The following ZMYM4 variants were observed in gnomAD, a reference collection of about 807,000 sequenced individuals.
ZMYM4 encodes the protein zinc finger MYM-type containing 4.
Under a neutral mutation model 183.2 loss-of-function variants are expected in ZMYM4, and 31 were observed. The ratio of observed to expected loss-of-function variants is 0.17; its 90% CI spans 0.13 to 0.23. ZMYM4 has a LOEUF of 0.23. Ranked by LOEUF, ZMYM4 falls within the 10% of genes least tolerant of loss-of-function variation. The pLI, the probability that ZMYM4 is intolerant of heterozygous loss-of-function variation, is 1.00. For synonymous variants in ZMYM4, 592 were observed against 631.2 expected, an observed-to-expected ratio of 0.94 and a Z score of 0.93; for missense variants, 1,273 against 1,840.3, an observed-to-expected ratio of 0.69 and a Z score of 5.64.
In ZMYM4 at chr1:35,415,594, A is replaced by G; in HGVS notation, c.4189A>G (p.Thr1397Ala). The G allele has an allele frequency of 6.2e-7, 1 of 1,614,232 alleles. No homozygotes were observed. The highest frequency in any genetic ancestry group is 8.5e-7 in the Non-Finnish European group (1 of 1,180,038). Residue 1397 changes from threonine to alanine, a missense_variant, in exon 28 of 30, where the codon ACT becomes GCT. Physicochemically the swap from Thr to Ala is moderately conservative, Grantham distance 58 (BLOSUM62 0). Around this residue, in one of 6 missense-constraint regions of ZMYM4, gnomAD observed 145 missense variants for 331.6 expected, o/e 0.44. Coordinates refer to ENST00000314607, the MANE Select transcript of ZMYM4 (RefSeq NM_005095.3). ...NTKYFQLKNV[T>A]EHLKLSFAHV... is the part of the protein sequence containing the mutation. ...CAAATACTTCCAACTAAAGAATGTT[A>G]CTGAGCACTTGAAGCTTTCCTTTGC...
intron 26 of ZMYM4, among the ~76,000 whole-genome samples, chr1:35,411,946 A>G (rs1184213911): frequency 2.6e-5 from 4 of 152,162 alleles, no homozygotes; most frequent in South Asian, 2.1e-4. Context: ...GCAGTGGCAC[A>G]ATCTCAGCTC....
chr1:35,388,329 C>T (rs538454815), intron 13 of ZMYM4, among the ~76,000 whole-genome samples: 2 of 152,254 alleles, frequency 1.3e-5, no homozygotes, highest in Non-Finnish European at 2.9e-5. Context: ...CTCAACCTCC[C>T]GAGTAGCTGG....
rs1373208243 is a variant in ZMYM4, at chr1:35,398,963, C to T, written c.3353C>T (p.Ala1118Val). 1.2e-6 allele frequency: 2 copies of T among 1,614,136 alleles called. No homozygotes were observed. The highest frequency in any genetic ancestry group is 1.1e-5 in the South Asian group (1 of 91,082). ...AATCACTATGCCTTAAAGTCAAATG[C>T]TGTGCAAGAGGCTGATTCAGAATTG... ...ELNHYALKSNAVQEADSELKQ... is the reference protein window; with the variant it reads ...ELNHYALKSNVVQEADSELKQ... The change falls in exon 22 of 30, where the codon GCT becomes GTT. Residue 1118 changes from alanine (A) to valine (V), a missense_variant. Around this residue, in one of 6 missense-constraint regions of ZMYM4, gnomAD observed 290 missense variants for 353.3 expected, o/e 0.82. Transcript: ENST00000314607.
chr1:35,311,667 C>T (rs1641807639), intron 1 of ZMYM4, among the ~76,000 whole-genome samples: 1 of 151,856 alleles, frequency 6.6e-6, no homozygotes, highest in South Asian at 2.1e-4. Context: ...TTTACTCTCC[C>T]TTTTATGTTG....
intron 2 of ZMYM4, among the ~76,000 whole-genome samples, chr1:35,348,729 A>G (rs747133990): frequency 7.9e-5 from 12 of 152,246 alleles, no homozygotes; most frequent in Non-Finnish European, 2.9e-5. Context: ...ACAGTTCAGC[A>G]TGCTTACCAA....
At chr1:35,306,677 T>C (rs1207124287) in intron 1 of ZMYM4, among the ~76,000 whole-genome samples, 1 of 152,234 alleles carries the variant, frequency 6.6e-6, no homozygotes, top group African/African-American at 2.4e-5. Context: ...AGGTTGGGCA[T>C]ATATGGTCCT....
In ZMYM4 at chr1:35,370,354, T is replaced by TC; in HGVS notation, c.926-18_926-17insC. 1 of 1,334,888 alleles carries TC rather than the reference T, an allele frequency of 7.5e-7. No homozygotes were observed. The highest frequency in any genetic ancestry group is 2.9e-5 in the East Asian group (1 of 33,974). 82.7% of individuals were successfully genotyped at this position (1,334,888 alleles called of 1,614,324 possible). ...TTTCTTTCAATTTTTTTTTTTTTTT[T>TC]TTTTTTTTTTTTTAAAGCTCCACAG... On this transcript the variant is annotated splice_polypyrimidine_tract_variant and intron_variant, in intron 6 of 29. Coordinates refer to ENST00000314607, the MANE Select transcript of ZMYM4 (RefSeq NM_005095.3).
intron 2 of ZMYM4, among the ~76,000 whole-genome samples, chr1:35,326,505 G>A (rs1416231654): frequency 2.6e-5 from 4 of 152,158 alleles, no homozygotes; most frequent in Admixed American, 6.5e-5. Flanking sequence ...CATCATTTAT[G>A]TACTTTTCTG....
At chr1:35,388,821 C>T in intron 13 of ZMYM4, 89 bp from the exon 14 acceptor site, 3 of 1,215,752 alleles carry the variant, frequency 2.5e-6, no homozygotes, top group Non-Finnish European at 3.5e-6. Context: ...CAGGTGTGAG[C>T]CACTGCACCG....
At chr1:35,397,025 T>G in intron 19 of ZMYM4, 1 of 958,952 alleles carries the variant, frequency 1.0e-6, no homozygotes. Flanking sequence ...AAAATGTATT[T>G]TTTAATTACA....
At position 35,399,424 on chromosome 1, in the gene ZMYM4, C is replaced by A. The variant is rs112492532; in HGVS notation, c.3434-58C>A. 4.0e-4 allele frequency: 596 copies of A among 1,473,502 alleles called. 3 individuals are homozygous for A. The African/African-American group carries it at 6.1e-3, about 15-fold the overall frequency. The allele number at this position is 1,473,502 out of a possible 1,614,324, so 91.3% of individuals were successfully genotyped here. On this transcript the variant is annotated intron_variant, in intron 22 of 29. Transcript: ENST00000314607. ...CTGATATTTCTTTACTAGTCTAAGTCTTTATTTAAATTTGTGAGTTATTTA... is the reference window on the plus strand; with the variant it reads ...CTGATATTTCTTTACTAGTCTAAGTATTTATTTAAATTTGTGAGTTATTTA...
At chr1:35,339,051 G>A (rs1386784819) in intron 2 of ZMYM4, among the ~76,000 whole-genome samples, 1 of 152,126 alleles carries the variant, frequency 6.6e-6, no homozygotes, top group Admixed American at 6.5e-5. Context: ...ATCAGGAAGA[G>A]CAATTACAGT....
At chr1:35,350,298 T>C (rs959417165) in intron 2 of ZMYM4, among the ~76,000 whole-genome samples, 1 of 151,888 alleles carries the variant, frequency 6.6e-6, no homozygotes, top group African/African-American at 2.4e-5. Context: ...GAAATTACTT[T>C]TTTTTTTTGA....
In ZMYM4 at chr1:35,352,259, A is replaced by ACG. The variant is rs376025575; in HGVS notation, c.86-6656_86-6655dup. On this transcript the variant is annotated intron_variant, in intron 2 of 29. Transcript: ENST00000314607. ...ACTAATAATTTAAAAATTAGCGCGC[A>ACG]CGCGCGCGCGCACACACACACACAC... Among the ~76,000 whole-genome samples the ACG allele has an allele frequency of 2.9e-3, 226 of 77,598 alleles. 6 individuals are homozygous for ACG. The East Asian group carries it at 0.089, about 31-fold the overall frequency. The allele number at this position is 77,598 out of a possible 152,430, so 50.9% of individuals were successfully genotyped here. A position where few individuals can be genotyped will look rare whatever the true frequency, so the allele number is the denominator to read the frequency against.
intron 7 of ZMYM4, among the ~76,000 whole-genome samples, chr1:35,374,321 ACCGTG>A (rs1281816543): frequency 6.6e-6 from 1 of 152,102 alleles, no homozygotes; most frequent in Non-Finnish European, 1.5e-5. Flanking sequence ...GGCATGAGCC[ACCGTG>A]CCCGGCACTC....
intron 1 of ZMYM4, among the ~76,000 whole-genome samples, chr1:35,318,493 T>TGTC (rs1323743476): frequency 6.6e-6 from 1 of 152,184 alleles, no homozygotes; most frequent in Non-Finnish European, 1.5e-5. Flanking sequence ...AGTCTCGCTC[T>TGTC]GTCACCCAGG....
intron 19 of ZMYM4, 145 bp downstream of exon 19, chr1:35,396,815 C>T: frequency 1.0e-6 from 1 of 982,830 alleles, no homozygotes; most frequent in Non-Finnish European, 1.4e-6. Flanking sequence ...TATTACTTAA[C>T]ATGGATTATA....
chr1:35,370,338 A>ATTTTTT lies in ZMYM4; in HGVS notation c.926-10_926-5dup, dbSNP rs35122134. On this transcript the variant is annotated intron_variant, in intron 6 of 29. Transcript: ENST00000314607. ...AAAAGTAAAACATTTTTTTCTTTCAATTTTTTTTTTTTTTTTTTTTTTTTT... is the reference window on the plus strand; with the variant it reads ...AAAAGTAAAACATTTTTTTCTTTCAATTTTTTTTTTTTTTTTTTTTTTTTTTTTTTT... 223 of 1,128,770 alleles carry ATTTTTT rather than the reference A, an allele frequency of 2.0e-4. 5 individuals carry two copies. The highest frequency in any genetic ancestry group is 9.9e-4 in the African/African-American group (42 of 42,370). The allele number at this position is 1,128,770 out of a possible 1,614,324, so 69.9% of individuals were successfully genotyped here. A position where few individuals can be genotyped will look rare whatever the true frequency, so the allele number is the denominator to read the frequency against.
At chr1:35,278,478 T>C (rs1482021679) in intron 1 of ZMYM4, among the ~76,000 whole-genome samples, 1 of 147,582 alleles carries the variant, frequency 6.8e-6, no homozygotes, top group Non-Finnish European at 1.5e-5. Context: ...CAGGCTGGAG[T>C]GTAGTGGCAG....
Sources: gnomAD v4.1 joint callset for allele counts (sites outside exome capture counted in the v4.1 genomes callset) on GRCh38, gnomAD v4.1.1 for gene constraint, gnomAD v4.1.1 regional missense constraint, MANE v1.5 for transcripts, NCBI Gene and HGNC (gene_info 2026-07-23, HGNC 2026-07-21) for gene names.